Variants in RTL4 observed in about 807,000 individuals in gnomAD.
RTL4 encodes retrotransposon Gag-like protein 4.
A neutral mutation model predicts 5.3 loss-of-function variants in RTL4; 4 were observed. The observed-to-expected ratio is 0.75, with a 90% CI of 0.37 to 1.72. RTL4 has a LOEUF of 1.72. RTL4 is among the 40% of genes most tolerant of loss of function. The pLI, the probability that RTL4 is intolerant of heterozygous loss-of-function variation, is 0.04. For missense variants in RTL4, 260 were observed against 227.1 expected (o/e 1.14, Z -0.93); for synonymous variants, 98 against 87.3 (o/e 1.12, Z -0.68).
At chrX:112,281,662 A>G in the RTL4 span, among the ~76,000 whole-genome samples, 1 of 109,847 alleles carries the variant, frequency 9.1e-6, no homozygotes, top group Admixed American at 9.7e-5. Flanking sequence ...GTTGTCTTTC[A>G]TTTTTTTTAC....
the RTL4 span, chrX:112,381,358 A>G: frequency 8.3e-7 from 1 of 1,209,439 alleles, no homozygotes; most frequent in African/African-American, 1.7e-5. Flanking sequence ...TAACAAAGGT[A>G]GAGACAAGCC....
the RTL4 span, among the ~76,000 whole-genome samples, chrX:112,288,178 A>C: frequency 1.8e-5 from 2 of 112,022 alleles, no homozygotes; most frequent in African/African-American, 3.2e-5. Context: ...GCAAATACTT[A>C]CTCGGAGCAA....
At chrX:112,348,491 AAC>A in the RTL4 span, among the ~76,000 whole-genome samples, 9 of 108,565 alleles carry the variant, frequency 8.3e-5, no homozygotes, top group African/African-American at 1.7e-4. Context: ...GACAATTAAA[AAC>A]ACACACACAC....
At chrX:112,310,547 A>C in the RTL4 span, among the ~76,000 whole-genome samples, 3 of 53,654 alleles carry the variant, frequency 5.6e-5, no homozygotes, top group Non-Finnish European at 5.9e-5. Flanking sequence ...TATTATATTT[A>C]TATATTATAT....
chrX:112,352,468 G>T, the RTL4 span, among the ~76,000 whole-genome samples: 14 of 111,294 alleles, frequency 1.3e-4, no homozygotes, highest in African/African-American at 4.6e-4. Flanking sequence ...GGATGGTACT[G>T]GTACCAAAAC....
At chrX:112,448,207 A>G in the RTL4 span, among the ~76,000 whole-genome samples, 1 of 112,186 alleles carries the variant, frequency 8.9e-6, no homozygotes, top group Non-Finnish European at 1.9e-5. Flanking sequence ...GGCTGATTAT[A>G]TGACAATTTG....
chrX:112,397,104 A>ACCTACTTAAG, the RTL4 span, among the ~76,000 whole-genome samples: 15 of 111,877 alleles, frequency 1.3e-4, no homozygotes, highest in Non-Finnish European at 2.3e-4. Context: ...TATGCACAGC[A>ACCTACTTAAG]CCTACTTAAG....
chrX:112,244,523 C>CT, the RTL4 span, among the ~76,000 whole-genome samples: 3 of 111,000 alleles, frequency 2.7e-5, no homozygotes, highest in African/African-American at 9.8e-5. Flanking sequence ...AACCCCTGCC[C>CT]TTTTTTTGCT....
the RTL4 span, among the ~76,000 whole-genome samples, chrX:112,271,253 C>A: frequency 8.9e-6 from 1 of 112,753 alleles, no homozygotes; most frequent in East Asian, 2.8e-4. Context: ...GTGAGATTAG[C>A]AATGACTGAA....
chrX:112,357,969 C>G, the RTL4 span, among the ~76,000 whole-genome samples: 1 of 110,543 alleles, frequency 9.0e-6, no homozygotes, highest in Non-Finnish European at 1.9e-5. Context: ...GTAATTCAAT[C>G]TTTTTTTTTA....
the RTL4 span, among the ~76,000 whole-genome samples, chrX:112,298,405 A>G: frequency 8.9e-6 from 1 of 111,896 alleles, no homozygotes; most frequent in Non-Finnish European, 1.9e-5. Context: ...TCTGCCTCTA[A>G]ACTAGATCCT....
the RTL4 span, among the ~76,000 whole-genome samples, chrX:112,277,149 T>TA: frequency 9.0e-6 from 1 of 111,364 alleles, no homozygotes; most frequent in Non-Finnish European, 1.9e-5. Flanking sequence ...TCTGAGGTAA[T>TA]ACAGATGACA....
the RTL4 span, among the ~76,000 whole-genome samples, chrX:112,237,964 A>T: frequency 8.9e-6 from 1 of 112,143 alleles, no homozygotes; most frequent in Admixed American, 9.5e-5. Context: ...CTACAGCTGC[A>T]TAATGAACAC....
At chrX:112,221,992 G>T in the RTL4 span, among the ~76,000 whole-genome samples, 10 of 112,177 alleles carry the variant, frequency 8.9e-5, no homozygotes, top group Admixed American at 9.4e-4. Context: ...TCATTCTCAG[G>T]TTCATTTTGT....
At chrX:112,153,741 G>A in the RTL4 span, among the ~76,000 whole-genome samples, 2 of 111,568 alleles carry the variant, frequency 1.8e-5, no homozygotes, top group African/African-American at 3.2e-5. Flanking sequence ...AAAATAGGTA[G>A]AGGAAACTAG....
At chrX:112,363,313 G>A in the RTL4 span, among the ~76,000 whole-genome samples, 1 of 111,203 alleles carries the variant, frequency 9.0e-6, no homozygotes, top group Non-Finnish European at 1.9e-5. Context: ...CTATTAAATG[G>A]TTGGAGGGTC....
chrX:112,271,911 G>A, the RTL4 span, among the ~76,000 whole-genome samples: 1 of 111,483 alleles, frequency 9.0e-6, no homozygotes, highest in Non-Finnish European at 1.9e-5. Context: ...TACTCTTTTA[G>A]TTATGTTAAA....
the RTL4 span, among the ~76,000 whole-genome samples, chrX:112,377,334 G>T: frequency 1.8e-5 from 2 of 111,629 alleles, no homozygotes; most frequent in Non-Finnish European, 3.8e-5. Context: ...AAACATCATA[G>T]CTTAGCGTAG....
At chrX:112,325,428 G>C in the RTL4 span, among the ~76,000 whole-genome samples, 1 of 111,907 alleles carries the variant, frequency 8.9e-6, no homozygotes, top group Non-Finnish European at 1.9e-5. Flanking sequence ...AACCAAAACA[G>C]CATGATACTG....
Sources: gnomAD v4.1 joint callset for allele counts (sites outside exome capture counted in the v4.1 genomes callset) on GRCh38, gnomAD v4.1.1 for gene constraint, MANE v1.5 for transcripts, NCBI Gene and HGNC (gene_info 2026-07-23, HGNC 2026-07-21) for gene names.